SPAG16: variants seen among roughly 807,000 people sequenced by gnomAD.
SPAG16 encodes the protein sperm-associated antigen 16 protein.
In SPAG16, 86 loss-of-function variants were observed where a neutral mutation model predicts 80.4. The observed-to-expected ratio is 1.07, with a 90% CI of 0.90 to 1.28. The LOEUF is 1.28. Among genes scored for constraint, SPAG16 ranks in the 50% most tolerant of loss-of-function variants. The pLI, the probability that SPAG16 is intolerant of heterozygous loss-of-function variation, is 0.00. For missense variants in SPAG16, 870 were observed against 765.3 expected, an observed-to-expected ratio of 1.14 and a Z score of -1.61; for synonymous variants, 294 against 265.9, an observed-to-expected ratio of 1.11 and a Z score of -1.03.
intron 10 of SPAG16, among the ~76,000 whole-genome samples, chr2:213,802,627 G>T (rs1055276074): frequency 2.0e-5 from 3 of 152,038 alleles, no homozygotes; most frequent in Non-Finnish European, 4.4e-5. Flanking sequence ...TTTTAATATT[G>T]TACCAAATGA....
chr2:213,295,775 A>G (rs2062472141), intron 1 of SPAG16, among the ~76,000 whole-genome samples: 1 of 152,124 alleles, frequency 6.6e-6, no homozygotes. Flanking sequence ...ACAAGCCTTC[A>G]TAGAATCAAG....
intron 13 of SPAG16, among the ~76,000 whole-genome samples, chr2:214,053,136 G>A (rs2125140238): frequency 6.6e-6 from 1 of 152,264 alleles, no homozygotes; most frequent in African/African-American, 2.4e-5. Flanking sequence ...GAAAGACAAG[G>A]AAGGCATGCA....
chr2:214,141,478 A>C (rs1334772792), intron 14 of SPAG16, among the ~76,000 whole-genome samples: 4 of 151,800 alleles, frequency 2.6e-5, no homozygotes, highest in African/African-American at 9.7e-5. Flanking sequence ...AAAAAAAAAA[A>C]ACCAAAAAAA....
intron 15 of SPAG16, among the ~76,000 whole-genome samples, chr2:214,218,439 G>C (rs1190905421): frequency 2.0e-5 from 3 of 152,104 alleles, no homozygotes; most frequent in Non-Finnish European, 4.4e-5. Flanking sequence ...GAGACCCTGA[G>C]ACTTATGTTT....
chr2:213,901,657 TC>T (rs1368129866), intron 11 of SPAG16, among the ~76,000 whole-genome samples: 1 of 152,106 alleles, frequency 6.6e-6, no homozygotes, highest in African/African-American at 2.4e-5. Context: ...TTTATATTTG[TC>T]CCACTTATTG....
intron 12 of SPAG16, among the ~76,000 whole-genome samples, chr2:213,944,496 G>A (rs1032884742): frequency 3.9e-5 from 6 of 152,126 alleles, no homozygotes; most frequent in Admixed American, 2.0e-4. Context: ...GGTTTCACAC[G>A]TTCACAGGGA....
intron 10 of SPAG16, among the ~76,000 whole-genome samples, chr2:213,856,490 C>T (rs1284103615): frequency 6.6e-6 from 1 of 152,222 alleles, no homozygotes; most frequent in African/African-American, 2.4e-5. Flanking sequence ...TCCAAACCCA[C>T]ATTTCCCTTC....
At chr2:213,838,624 C>A (rs1288849757) in intron 10 of SPAG16, among the ~76,000 whole-genome samples, 1 of 152,158 alleles carries the variant, frequency 6.6e-6, no homozygotes, top group Non-Finnish European at 1.5e-5. Flanking sequence ...TTGGGCAATA[C>A]CTTTTTCTAT....
intron 10 of SPAG16, among the ~76,000 whole-genome samples, chr2:213,716,116 T>G (rs888316517): frequency 6.6e-6 from 1 of 152,192 alleles, no homozygotes; most frequent in Non-Finnish European, 1.5e-5. Context: ...TGAAATCAAC[T>G]TTTAGTTCTT....
chr2:213,894,545 C>T (rs2076913885), intron 11 of SPAG16, among the ~76,000 whole-genome samples: 2 of 152,038 alleles, frequency 1.3e-5, no homozygotes, highest in South Asian at 4.2e-4. Context: ...GACAAGGATG[C>T]CCACTTACCA....
chr2:213,328,536 A>T (rs1434087216), intron 5 of SPAG16, among the ~76,000 whole-genome samples: 2 of 152,000 alleles, frequency 1.3e-5, no homozygotes, highest in Admixed American at 1.3e-4. Flanking sequence ...CCTCCTCTTC[A>T]CTTAGTACTC....
chr2:214,175,843 A>G (rs903321532), intron 15 of SPAG16, among the ~76,000 whole-genome samples: 1 of 151,412 alleles, frequency 6.6e-6, no homozygotes, highest in African/African-American at 2.4e-5. Flanking sequence ...AAAATTTTGA[A>G]TCCTTCAGTA....
At chr2:213,958,509 A>T (rs2044258479) in intron 12 of SPAG16, among the ~76,000 whole-genome samples, 1 of 152,204 alleles carries the variant, frequency 6.6e-6, no homozygotes, top group South Asian at 2.1e-4. Flanking sequence ...TGCCAAAGCA[A>T]CATAAAATTA....
At chr2:214,318,897 G>A (rs189334448) in intron 15 of SPAG16, among the ~76,000 whole-genome samples, 27 of 152,196 alleles carry the variant, frequency 1.8e-4, no homozygotes, top group African/African-American at 6.5e-4. Context: ...CCTGGAGTGA[G>A]GATCTAGATA....
chr2:213,658,617 G>A (rs545908048), intron 10 of SPAG16, among the ~76,000 whole-genome samples: 2 of 152,288 alleles, frequency 1.3e-5, no homozygotes, highest in African/African-American at 4.8e-5. Context: ...AGGTGAAGTC[G>A]TGCATGGGTA....
chr2:214,084,728 GAC>G (rs1207134429), intron 13 of SPAG16, among the ~76,000 whole-genome samples: 7 of 152,130 alleles, frequency 4.6e-5, no homozygotes, highest in African/African-American at 1.7e-4. Context: ...TTCAATAAGT[GAC>G]ACACTTATTT....
chr2:213,558,800 G>A (rs910197683), intron 10 of SPAG16, among the ~76,000 whole-genome samples: 2 of 151,974 alleles, frequency 1.3e-5, no homozygotes, highest in Non-Finnish European at 2.9e-5. Context: ...GGTACAATGA[G>A]CCTCCATGTA....
chr2:213,667,681 A>G (rs928562413), intron 10 of SPAG16, among the ~76,000 whole-genome samples: 1 of 152,184 alleles, frequency 6.6e-6, no homozygotes, highest in African/African-American at 2.4e-5. Context: ...TAAGTTATGG[A>G]ACATTTAAGT....
intron 7 of SPAG16, among the ~76,000 whole-genome samples, chr2:213,362,282 G>T (rs201153117): frequency 6.6e-6 from 1 of 152,044 alleles, no homozygotes; most frequent in East Asian, 1.9e-4. Flanking sequence ...TTCCTTAATG[G>T]TATAAATATA....
Sources: gnomAD v4.1 joint callset for allele counts (sites outside exome capture counted in the v4.1 genomes callset) on GRCh38, gnomAD v4.1.1 for gene constraint, MANE v1.5 for transcripts, NCBI Gene and HGNC (gene_info 2026-07-23, HGNC 2026-07-21) for gene names.